The following ERP44 variants were observed in gnomAD, a reference collection of about 807,000 sequenced individuals.
The protein encoded by ERP44 is endoplasmic reticulum resident protein 44.
Under a neutral mutation model 53.4 loss-of-function variants are expected in ERP44, and 25 were observed. That is an observed-to-expected ratio of 0.47 (90% CI 0.34 to 0.65). The LOEUF (loss-of-function observed/expected upper bound fraction) is 0.65. Among genes scored for constraint, ERP44 ranks in the 30% least tolerant of loss-of-function variants. The pLI is 0.01. For synonymous variants in ERP44, 145 were observed against 161.2 expected (o/e 0.90, Z 0.76); for missense variants, 338 against 493.2 (o/e 0.69, Z 2.98).
intron 8 of ERP44, among the ~76,000 whole-genome samples, chr9:100,012,391 C>T (rs1830484286): frequency 6.6e-6 from 1 of 152,040 alleles, no homozygotes; most frequent in South Asian, 2.1e-4. Flanking sequence ...TGAGAAATAG[C>T]TATTATAAAC....
rs139121383 is a variant in ERP44, at chr9:100,021,538, G to A, written c.471+504C>T. Among the ~76,000 whole-genome samples the A allele has an allele frequency of 2.4e-3, 367 of 152,308 alleles. 3 individuals carry two copies. The highest frequency in any genetic ancestry group is 8.4e-3 in the African/African-American group (349 of 41,558). On this transcript the variant is annotated intron_variant, in intron 5 of 11. Coordinates refer to ENST00000262455, the MANE Select transcript of ERP44 (RefSeq NM_015051.3). The stretch of plus-strand genomic sequence containing the variant: ...ATCTCAAACCTGACAGTGATGATTG[G>A]TGATTGTGATAAAGCCCAAACTCAA...
intron 1 of ERP44, among the ~76,000 whole-genome samples, chr9:100,065,786 G>A (rs1826204340): frequency 6.6e-6 from 1 of 152,086 alleles, no homozygotes; most frequent in Admixed American, 6.5e-5. Flanking sequence ...CAGGACTAGA[G>A]GCTAATAAAA....
At chr9:100,074,991 G>A (rs555533294) in intron 1 of ERP44, among the ~76,000 whole-genome samples, 5 of 152,186 alleles carry the variant, frequency 3.3e-5, no homozygotes, top group Non-Finnish European at 5.9e-5. Context: ...GGGTGAGGGC[G>A]ATGATGGTGG....
intron 4 of ERP44, among the ~76,000 whole-genome samples, chr9:100,028,096 TA>T (rs969959947): frequency 2.0e-5 from 3 of 152,210 alleles, no homozygotes; most frequent in Non-Finnish European, 4.4e-5. Context: ...ATAGTTCCTA[TA>T]AAAAGCTTCT....
At chr9:100,087,479 C>G (rs1267372411) in intron 1 of ERP44, among the ~76,000 whole-genome samples, 1 of 152,134 alleles carries the variant, frequency 6.6e-6, no homozygotes, top group African/African-American at 2.4e-5. Context: ...TTCACTCAGT[C>G]CCTCATCTTA....
At chr9:100,052,616 TATAGGC>T (rs1826050511) in intron 3 of ERP44, 84 bp from the exon 4 acceptor site, 5 of 670,772 alleles carry the variant, frequency 7.5e-6, no homozygotes, top group African/African-American at 1.8e-5. Flanking sequence ...TGACATTTGA[TATAGGC>T]ATAATAAACG....
chr9:100,000,466 C>CT (rs905058635), intron 10 of ERP44, among the ~76,000 whole-genome samples: 1 of 147,494 alleles, frequency 6.8e-6, no homozygotes, highest in African/African-American at 2.5e-5. Context: ...TTTCTCCCTT[C>CT]TTCAATTTTT....
At chr9:100,057,991 C>A (rs1826103336) in intron 2 of ERP44, 132 bp from the exon 3 acceptor site, 2 of 668,996 alleles carry the variant, frequency 3.0e-6, no homozygotes, top group Non-Finnish European at 5.2e-6. Flanking sequence ...ATCTCTCACT[C>A]AGAAACCTAG....
chr9:99,994,967 A>T (rs893921454), intron 10 of ERP44, among the ~76,000 whole-genome samples: 11 of 152,230 alleles, frequency 7.2e-5, no homozygotes, highest in Non-Finnish European at 5.9e-5. Flanking sequence ...GTTGTAATCC[A>T]TCAACACAGT....
chr9:100,008,332 C>T lies in ERP44; in HGVS notation c.763-643G>A, dbSNP rs187226388. 1.7e-3 allele frequency among the ~76,000 whole-genome samples: 261 copies of T among 152,192 alleles called. 3 individuals are homozygous for T. The highest frequency in any genetic ancestry group is 0.015 in the Admixed American group (230 of 15,292). ...ATTTTTATATACCTCTTTATTTATACACACAGAAAAGCACCTTGAAAATTA... is the reference window on the plus strand; with the variant it reads ...ATTTTTATATACCTCTTTATTTATATACACAGAAAAGCACCTTGAAAATTA... On this transcript the variant is annotated intron_variant, in intron 8 of 11. Coordinates refer to ENST00000262455, the MANE Select transcript of ERP44 (RefSeq NM_015051.3).
At chr9:100,027,790 T>C (rs1830668745) in intron 4 of ERP44, among the ~76,000 whole-genome samples, 1 of 152,068 alleles carries the variant, frequency 6.6e-6, no homozygotes, top group Admixed American at 6.5e-5. Flanking sequence ...TGGCAGAAAA[T>C]ACAAAGAGGC....
intron 10 of ERP44, among the ~76,000 whole-genome samples, chr9:99,989,629 C>T (rs1236335836): frequency 6.6e-6 from 1 of 152,180 alleles, no homozygotes; most frequent in Non-Finnish European, 1.5e-5. Context: ...AACCAAAGCA[C>T]CTCTTCTCCT....
intron 4 of ERP44, among the ~76,000 whole-genome samples, chr9:100,036,088 T>G (rs1416645941): frequency 6.6e-6 from 1 of 152,212 alleles, no homozygotes; most frequent in Non-Finnish European, 1.5e-5. Context: ...AAAGGACACA[T>G]GCATGCATAT....
intron 10 of ERP44, among the ~76,000 whole-genome samples, chr9:99,989,415 C>T (rs1319678835): frequency 1.3e-5 from 2 of 152,204 alleles, no homozygotes; most frequent in Non-Finnish European, 1.5e-5. Flanking sequence ...CTGGAGTGGA[C>T]CTCCAGCAAA....
chr9:99,996,976 C>T (rs553785205), intron 10 of ERP44, among the ~76,000 whole-genome samples: 78 of 143,342 alleles, frequency 5.4e-4, no homozygotes, highest in African/African-American at 1.7e-3. Flanking sequence ...CACATACACA[C>T]GTATGTATAT....
intron 10 of ERP44, among the ~76,000 whole-genome samples, chr9:99,997,323 T>C (rs1394675170): frequency 6.6e-6 from 1 of 152,200 alleles, no homozygotes; most frequent in Non-Finnish European, 1.5e-5. Context: ...TTTTTTATTA[T>C]GGCCATTCTT....
At chr9:100,058,808 C>G (rs1039937770) in intron 2 of ERP44, among the ~76,000 whole-genome samples, 8 of 152,186 alleles carry the variant, frequency 5.3e-5, no homozygotes, top group Non-Finnish European at 1.0e-4. Context: ...CAAAGATATT[C>G]TAGAATTGGA....
chr9:100,076,624 A>C (rs972316429), intron 1 of ERP44, among the ~76,000 whole-genome samples: 1 of 152,218 alleles, frequency 6.6e-6, no homozygotes, highest in African/African-American at 2.4e-5. Context: ...GTGATTATAT[A>C]CTGATTCATG....
intron 4 of ERP44, among the ~76,000 whole-genome samples, chr9:100,033,802 C>A (rs1346972259): frequency 6.6e-6 from 1 of 152,152 alleles, no homozygotes; most frequent in Non-Finnish European, 1.5e-5. Context: ...TATTAGAACT[C>A]AGAGTTATGA....
Sources: allele counts gnomAD v4.1 joint callset (sites outside exome capture counted in the v4.1 genomes callset), GRCh38; gene constraint gnomAD v4.1.1; transcripts MANE v1.5; gene names NCBI Gene and HGNC (gene_info 2026-07-23, HGNC 2026-07-21).